CNTN5: variants seen among roughly 807,000 people sequenced by gnomAD.
The protein encoded by CNTN5 is contactin 5.
A neutral mutation model predicts 129.1 loss-of-function variants in CNTN5; 77 were observed. The observed-to-expected ratio is 0.60, with a 90% CI of 0.50 to 0.72. The LOEUF is 0.72. CNTN5 is among the 30% of genes least tolerant of loss of function. CNTN5 has a pLI of 0.00. For synonymous variants in CNTN5, 509 were observed against 465.6 expected (o/e 1.09, Z -1.20); for missense variants, 1,478 against 1,328.8 (o/e 1.11, Z -1.75).
intron 1 of CNTN5, among the ~76,000 whole-genome samples, chr11:99,226,962 T>A (rs1227006826): frequency 6.6e-6 from 1 of 152,190 alleles, no homozygotes; most frequent in African/African-American, 2.4e-5. Flanking sequence ...CCATAAGGAT[T>A]TCACAGTACG....
At chr11:99,887,987 G>A (rs951823327) in intron 6 of CNTN5, among the ~76,000 whole-genome samples, 1 of 152,062 alleles carries the variant, frequency 6.6e-6, no homozygotes, top group African/African-American at 2.4e-5. Context: ...ATCCAGTCAA[G>A]TTGACACTCA....
intron 4 of CNTN5, among the ~76,000 whole-genome samples, chr11:99,840,044 T>C (rs577059232): frequency 6.6e-6 from 1 of 152,206 alleles, no homozygotes; most frequent in South Asian, 2.1e-4. Context: ...CTCAAAATTA[T>C]TGATATTCAC....
chr11:99,329,382 G>T (rs904847646), intron 2 of CNTN5, among the ~76,000 whole-genome samples: 1 of 152,054 alleles, frequency 6.6e-6, no homozygotes, highest in Non-Finnish European at 1.5e-5. Context: ...TAATATTTCC[G>T]TTGTGGAAAT....
intron 3 of CNTN5, among the ~76,000 whole-genome samples, chr11:99,756,910 AG>A (rs1227028795): frequency 7.7e-6 from 1 of 130,042 alleles, no homozygotes; most frequent in South Asian, 3.3e-4. Context: ...AAAACAATAG[AG>A]GGTTTTTTTT....
At chr11:99,673,253 T>C (rs960115203) in intron 3 of CNTN5, among the ~76,000 whole-genome samples, 1 of 152,150 alleles carries the variant, frequency 6.6e-6, no homozygotes, top group African/African-American at 2.4e-5. Flanking sequence ...TGAAAAACAT[T>C]AAAGTCTAAT....
intron 2 of CNTN5, among the ~76,000 whole-genome samples, chr11:99,509,194 A>G (rs1160648802): frequency 1.3e-5 from 2 of 152,184 alleles, no homozygotes; most frequent in Non-Finnish European, 2.9e-5. Context: ...TTGGCCAACA[A>G]GAATAGAAAA....
At chr11:99,551,730 G>C (rs1948490340) in intron 2 of CNTN5, among the ~76,000 whole-genome samples, 2 of 152,092 alleles carry the variant, frequency 1.3e-5, no homozygotes, top group African/African-American at 4.8e-5. Flanking sequence ...GGATGTTACT[G>C]TACTGAATAA....
intron 8 of CNTN5, among the ~76,000 whole-genome samples, chr11:99,967,387 AG>A (rs1333654257): frequency 6.6e-6 from 1 of 152,280 alleles, no homozygotes; most frequent in East Asian, 1.9e-4. Context: ...TGTTAGGTAC[AG>A]GGGATACAAT....
At chr11:99,709,696 G>A (rs1954893038) in intron 3 of CNTN5, among the ~76,000 whole-genome samples, 1 of 151,760 alleles carries the variant, frequency 6.6e-6, no homozygotes, top group Admixed American at 6.6e-5. Context: ...TCTAGTTTAT[G>A]TTTTGGGTAA....
intron 3 of CNTN5, among the ~76,000 whole-genome samples, chr11:99,725,587 T>C (rs1943310183): frequency 3.9e-5 from 6 of 152,166 alleles, no homozygotes; most frequent in Admixed American, 3.9e-4. Flanking sequence ...CTTGGAAGAA[T>C]GAAGAAAGGA....
intron 20 of CNTN5, among the ~76,000 whole-genome samples, chr11:100,301,240 G>A (rs1951212534): frequency 6.6e-6 from 1 of 151,582 alleles, no homozygotes; most frequent in Non-Finnish European, 1.5e-5. Context: ...GAGATTAATT[G>A]GAGAAGTTTT....
Position 99,495,525 on chromosome 11 carries a change from T to C in CNTN5, c.-70-60620T>C, listed in dbSNP as rs1565230892. ...TCAGAAAGAGAAATAGCAGTTTTCA[T>C]GGCTTCTGAGTAGGCCTTTCAGAGC... On this transcript the variant is annotated intron_variant, in intron 2 of 24. Coordinates refer to ENST00000524871, the MANE Select transcript of CNTN5 (RefSeq NM_014361.4). Among the ~76,000 whole-genome samples the C allele has an allele frequency of 3.3e-5, 5 of 152,228 alleles. 1 individual carries two copies. The South Asian group carries it at 1.0e-3, about 32-fold the overall frequency.
chr11:99,700,727 T>C (rs996398943), intron 3 of CNTN5, among the ~76,000 whole-genome samples: 1 of 151,444 alleles, frequency 6.6e-6, no homozygotes, highest in Non-Finnish European at 1.5e-5. Flanking sequence ...TATTCTGTAT[T>C]AAATGGCTAC....
rs963457468 is a variant in CNTN5 at position 100,288,336 on chromosome 11, G to C, written c.2315-9289G>C. On this transcript the variant is annotated intron_variant, in intron 18 of 24. Coordinates refer to ENST00000524871, the MANE Select transcript of CNTN5 (RefSeq NM_014361.4). ...TTTCAGCACCACACCACACCTATTC[G>C]AAAATTGACCACATACTTGGAAGTA... Among the ~76,000 whole-genome samples, 272 of 151,750 alleles carry C rather than the reference G, an allele frequency of 1.8e-3. 3 individuals carry two copies. Among genetic ancestry groups the C allele is most frequent in the African/African-American group, 5.5e-3 (228 of 41,346 alleles).
intron 8 of CNTN5, among the ~76,000 whole-genome samples, chr11:99,994,210 A>G (rs1939303674): frequency 6.6e-6 from 1 of 152,180 alleles, no homozygotes; most frequent in South Asian, 2.1e-4. Flanking sequence ...AATCTGGAAG[A>G]GAAGAGAGAC....
At chr11:99,903,921 A>G (rs573527913) in intron 6 of CNTN5, among the ~76,000 whole-genome samples, 39 of 152,280 alleles carry the variant, frequency 2.6e-4, no homozygotes, top group Admixed American at 2.2e-3. Context: ...AGTATTCAAC[A>G]TCATAATCAT....
intron 3 of CNTN5, among the ~76,000 whole-genome samples, chr11:99,711,796 G>C (rs1955001238): frequency 6.6e-6 from 1 of 151,982 alleles, no homozygotes; most frequent in African/African-American, 2.4e-5. Flanking sequence ...CCATGTCCCT[G>C]CAAAGGACAT....
chr11:99,030,901 C>G (rs967990004), intron 1 of CNTN5, among the ~76,000 whole-genome samples: 1 of 151,852 alleles, frequency 6.6e-6, no homozygotes, highest in Non-Finnish European at 1.5e-5. Context: ...CTGCCTCAGC[C>G]TCCCGAGTAG....
intron 1 of CNTN5, among the ~76,000 whole-genome samples, chr11:99,293,120 C>A (rs199510757): frequency 6.6e-6 from 1 of 151,962 alleles, no homozygotes; most frequent in Non-Finnish European, 1.5e-5. Flanking sequence ...TTGGTTAAGA[C>A]TTTTTTTATT....
Sources: gnomAD v4.1 joint callset for allele counts (sites outside exome capture counted in the v4.1 genomes callset) on GRCh38, gnomAD v4.1.1 for gene constraint, MANE v1.5 for transcripts, NCBI Gene and HGNC (gene_info 2026-07-23, HGNC 2026-07-21) for gene names.